The following ALKAL1 variants were observed in gnomAD, a reference collection of about 807,000 sequenced individuals.
ALKAL1 encodes the protein AUG-beta.
Under a neutral mutation model 13.5 loss-of-function variants are expected in ALKAL1, and 23 were observed. The ratio of observed to expected loss-of-function variants is 1.70; its 90% CI spans 1.23 to 2.41. ALKAL1 has a LOEUF of 2.41. ALKAL1 is among the 30% of genes most tolerant of loss of function. The probability of loss-of-function intolerance (pLI) is 0.00; values close to 1 mark genes in which losing one functional copy is unlikely to be tolerated. For missense variants in ALKAL1, 181 were observed against 178.4 expected (o/e 1.01, Z -0.08); for synonymous variants, 85 against 77.7 (o/e 1.09, Z -0.49).
At chr8:52,549,526 A>G (rs971321101) in intron 1 of ALKAL1, among the ~76,000 whole-genome samples, 3 of 151,842 alleles carry the variant, frequency 2.0e-5, no homozygotes, top group Non-Finnish European at 2.9e-5. Flanking sequence ...GTGTCTCTGT[A>G]TCTTCCCATG....
intron 1 of ALKAL1, among the ~76,000 whole-genome samples, chr8:52,549,564 G>C (rs1847409176): frequency 6.6e-6 from 1 of 151,820 alleles, no homozygotes. Flanking sequence ...AACACCAGTT[G>C]TATTGAAAAA....
chr8:52,534,358 A>G lies in ALKAL1; in HGVS notation c.*255T>C, dbSNP rs1408620589. The G allele has an allele frequency of 3.0e-6, 1 of 336,296 alleles. No homozygotes were observed. The highest frequency in any genetic ancestry group is 5.3e-6 in the Non-Finnish European group (1 of 189,040). 20.8% of individuals were successfully genotyped at this position (336,296 alleles called of 1,614,324 possible). ...ATAAAATACAATCACACAATTTTTA[A>G]TATCTAATTTTCAATATGCGATTCA... On this transcript the variant is annotated 3_prime_UTR_variant, in exon 5 of 5. Transcript: ENST00000358543.
At chr8:52,562,675 C>CA (rs1340882102) in intron 1 of ALKAL1, among the ~76,000 whole-genome samples, 1 of 152,168 alleles carries the variant, frequency 6.6e-6, no homozygotes, top group Non-Finnish European at 1.5e-5. Context: ...GCAGACAGAG[C>CA]AAGTGCAGGG....
At chr8:52,540,123 G>A (rs1031657333) in intron 2 of ALKAL1, among the ~76,000 whole-genome samples, 3 of 152,034 alleles carry the variant, frequency 2.0e-5, no homozygotes, top group South Asian at 2.1e-4. Context: ...CCATGTTCTC[G>A]ATATCTCAAA....
chr8:52,543,140 C>G (rs11992636), intron 1 of ALKAL1, among the ~76,000 whole-genome samples: 48 of 152,356 alleles, frequency 3.2e-4, no homozygotes, highest in African/African-American at 9.4e-4. Flanking sequence ...TAAAACTACA[C>G]CATCCAGAAA....
At chr8:52,560,531 A>C (rs1847537673) in intron 1 of ALKAL1, among the ~76,000 whole-genome samples, 1 of 152,222 alleles carries the variant, frequency 6.6e-6, no homozygotes, top group Admixed American at 6.5e-5. Flanking sequence ...ATTGCCATTA[A>C]AAAGGAATTG....
intron 1 of ALKAL1, among the ~76,000 whole-genome samples, chr8:52,563,843 C>A (rs976373470): frequency 2.0e-5 from 3 of 152,170 alleles, no homozygotes; most frequent in African/African-American, 7.2e-5. Context: ...GGGCAGGACA[C>A]CCTGCTCACT....
In ALKAL1 at chr8:52,539,814, C is replaced by G. The variant is rs1590865024; in HGVS notation, c.325+17G>C. The G allele has an allele frequency of 1.3e-6, 2 of 1,526,480 alleles. No homozygotes were observed. Among genetic ancestry groups the G allele is most frequent in the Non-Finnish European group, 1.8e-6 (2 of 1,128,924 alleles). 94.6% of individuals were successfully genotyped at this position (1,526,480 alleles called of 1,614,324 possible). A position where few individuals can be genotyped will look rare whatever the true frequency, so the allele number is the denominator to read the frequency against. Reference sequence around the variant, plus strand: ...GTTGGATAATTAAAAAAAAAAAAACCCACCCAAGTTACTTACAAGCTGGCG... The same window carrying G: ...GTTGGATAATTAAAAAAAAAAAAACGCACCCAAGTTACTTACAAGCTGGCG... On this transcript the variant is annotated intron_variant, in intron 3 of 4. Coordinates refer to ENST00000358543, the MANE Select transcript of ALKAL1 (RefSeq NM_207413.4).
intron 1 of ALKAL1, among the ~76,000 whole-genome samples, chr8:52,556,699 A>G (rs912839432): frequency 3.3e-5 from 5 of 151,310 alleles, no homozygotes; most frequent in African/African-American, 1.2e-4. Context: ...AGCTCTCAAC[A>G]GTAATGATAC....
At chr8:52,560,717 A>T (rs546110510) in intron 1 of ALKAL1, among the ~76,000 whole-genome samples, 7 of 152,304 alleles carry the variant, frequency 4.6e-5, no homozygotes, top group African/African-American at 1.7e-4. Context: ...TCCTACAAGA[A>T]ATACTGTGAA....
intron 1 of ALKAL1, among the ~76,000 whole-genome samples, chr8:52,543,939 AATTACAT>A (rs1290941983): frequency 4.6e-5 from 7 of 152,134 alleles, no homozygotes; most frequent in Non-Finnish European, 1.0e-4. Context: ...GTGTGTAGAA[AATTACAT>A]ATTTTAAGTA....
In ALKAL1 at chr8:52,565,143, C is replaced by T. The variant is rs755850760; in HGVS notation, c.114G>A (p.Thr38=). The change falls in exon 1 of 5, where the codon ACG becomes ACA. Residue 38 remains threonine (T), a synonymous_variant. Transcript: ENST00000358543. ...AAAGCAACGGCTTGGGCTCCTTATC[C>T]GTGACGCGCGCTCCCCTGCGCCCCC... The part of the protein sequence containing the change: ...RPRGRRGARV[T]DKEPKPLLFL... The T allele has an allele frequency of 4.0e-5, 56 of 1,404,726 alleles. No individual in the cohort carries two copies. The highest frequency in any genetic ancestry group is 4.9e-5 in the Non-Finnish European group (53 of 1,071,650). 87.0% of individuals were successfully genotyped at this position (1,404,726 alleles called of 1,614,324 possible). A position where few individuals can be genotyped will look rare whatever the true frequency, so the allele number is the denominator to read the frequency against.
intron 1 of ALKAL1, among the ~76,000 whole-genome samples, chr8:52,551,425 G>A (rs1471791599): frequency 6.6e-6 from 1 of 151,422 alleles, no homozygotes; most frequent in East Asian, 1.9e-4. Context: ...CTCCCAAGTA[G>A]CTAGGACAAC....
chr8:52,539,769 T>G, intron 3 of ALKAL1, 62 bp downstream of exon 3: 2 of 1,267,392 alleles, frequency 1.6e-6, no homozygotes, highest in Non-Finnish European at 1.1e-6. Context: ...ATTTGAAGTT[T>G]AAAATTAAAC....
intron 2 of ALKAL1, among the ~76,000 whole-genome samples, chr8:52,540,833 C>G (rs549288260): frequency 6.6e-6 from 1 of 152,294 alleles, no homozygotes; most frequent in South Asian, 2.1e-4. Context: ...TCGCTCACAA[C>G]TGCCTCGAAA....
chr8:52,562,026 T>G (rs1847555972), intron 1 of ALKAL1, among the ~76,000 whole-genome samples: 1 of 152,182 alleles, frequency 6.6e-6, no homozygotes, highest in Non-Finnish European at 1.5e-5. Context: ...GCCTTCTGAT[T>G]CTGTTTTCCT....
At chr8:52,556,638 C>T (rs1847485179) in intron 1 of ALKAL1, among the ~76,000 whole-genome samples, 1 of 99,388 alleles carries the variant, frequency 1.0e-5, no homozygotes, top group South Asian at 3.9e-4. Context: ...CAGAGCGAAA[C>T]TCTGTCTCAA....
intron 4 of ALKAL1, among the ~76,000 whole-genome samples, chr8:52,536,002 A>C (rs763304256): frequency 1.3e-5 from 2 of 151,942 alleles, no homozygotes; most frequent in Non-Finnish European, 2.9e-5. Context: ...GCAGTGCTGC[A>C]ATCTCAGCTC....
intron 1 of ALKAL1, among the ~76,000 whole-genome samples, chr8:52,564,347 G>A (rs988262543): frequency 5.3e-5 from 8 of 152,152 alleles, no homozygotes; most frequent in Non-Finnish European, 1.2e-4. Context: ...CAAGTGCCCG[G>A]CCGCCCCCTC....
Sources: gnomAD v4.1 joint callset for allele counts (sites outside exome capture counted in the v4.1 genomes callset) on GRCh38, gnomAD v4.1.1 for gene constraint, MANE v1.5 for transcripts, NCBI Gene and HGNC (gene_info 2026-07-23, HGNC 2026-07-21) for gene names.